Variants in GPC5 observed in about 807,000 individuals in gnomAD.
The protein encoded by GPC5 is glypican-5.
In GPC5, 47 loss-of-function variants were observed where a neutral mutation model predicts 53.9. The ratio of observed to expected loss-of-function variants is 0.87; its 90% CI spans 0.69 to 1.11. GPC5 has a LOEUF of 1.11. Among genes scored for constraint, GPC5 ranks in the 50% most tolerant of loss-of-function variants. The pLI is 0.00. For missense variants in GPC5, 748 were observed against 713.1 expected (o/e 1.05, Z -0.56); for synonymous variants, 286 against 263.3 (o/e 1.09, Z -0.84).
intron 4 of GPC5, among the ~76,000 whole-genome samples, chr13:91,732,813 G>A (rs1322300997): frequency 6.6e-6 from 1 of 151,996 alleles, no homozygotes; most frequent in East Asian, 1.9e-4. Context: ...ATCAAGTTTG[G>A]TGAAGATCAG....
rs528148992 is a variant in GPC5 at position 92,159,265 on chromosome 13, A to G, written c.1561+14276A>G. ...AAGGAGATTAAAAGAGGGAGAGGGG[A>G]AAGCACTTCGTCTGGTTTCTTTTCT... On this transcript the variant is annotated intron_variant, in intron 7 of 7. Coordinates refer to ENST00000377067, the MANE Select transcript of GPC5 (RefSeq NM_004466.6). 2.0e-5 allele frequency among the ~76,000 whole-genome samples: 3 copies of G among 152,282 alleles called. No homozygotes were observed. In the East Asian group the frequency reaches 5.8e-4, roughly 29 times the overall value.
At chr13:92,451,986 T>C (rs1594213561) in intron 7 of GPC5, among the ~76,000 whole-genome samples, 2 of 151,870 alleles carry the variant, frequency 1.3e-5, no homozygotes. Context: ...CTGAAGAAAA[T>C]AGGACTAAGG....
intron 7 of GPC5, among the ~76,000 whole-genome samples, chr13:92,158,576 GT>G (rs753333070): frequency 6.6e-6 from 1 of 150,696 alleles, no homozygotes; most frequent in Non-Finnish European, 1.5e-5. Flanking sequence ...GTCATCTTGT[GT>G]TCCTCCTCTC....
intron 5 of GPC5, among the ~76,000 whole-genome samples, chr13:91,832,339 A>G (rs1297455028): frequency 6.8e-6 from 1 of 146,524 alleles, no homozygotes. Context: ...TACTTGGTAA[A>G]TATTCCTCCG....
intron 7 of GPC5, among the ~76,000 whole-genome samples, chr13:92,678,589 C>T (rs1388322316): frequency 1.3e-5 from 2 of 152,138 alleles, no homozygotes; most frequent in African/African-American, 4.8e-5. Flanking sequence ...CCTGCTACAG[C>T]AGAGTGAATA....
At chr13:92,862,644 G>GATAT (rs1193954230) in intron 7 of GPC5, among the ~76,000 whole-genome samples, 1 of 151,978 alleles carries the variant, frequency 6.6e-6, no homozygotes, top group Non-Finnish European at 1.5e-5. Context: ...TAGATAGATA[G>GATAT]ATAGATAGAT....
At chr13:91,904,458 C>T (rs1171376165) in intron 5 of GPC5, among the ~76,000 whole-genome samples, 1 of 151,832 alleles carries the variant, frequency 6.6e-6, no homozygotes, top group Non-Finnish European at 1.5e-5. Flanking sequence ...ATATCTTTAC[C>T]TTTTCTTAGT....
At chr13:91,673,264 C>G (rs1482316417) in intron 2 of GPC5, among the ~76,000 whole-genome samples, 2 of 151,964 alleles carry the variant, frequency 1.3e-5, no homozygotes, top group African/African-American at 4.8e-5. Flanking sequence ...TCACACTAAG[C>G]AAAAAGAGAC....
intron 6 of GPC5, among the ~76,000 whole-genome samples, chr13:91,935,140 GA>G (rs2039857967): frequency 6.6e-6 from 1 of 151,842 alleles, no homozygotes; most frequent in Non-Finnish European, 1.5e-5. Flanking sequence ...TTAGGATAGT[GA>G]AAAAGAAAGG....
At chr13:91,683,890 C>A (rs548657645) in intron 2 of GPC5, among the ~76,000 whole-genome samples, 1 of 152,292 alleles carries the variant, frequency 6.6e-6, no homozygotes, top group East Asian at 1.9e-4. Context: ...TCCATTATAG[C>A]AAACATTTGC....
chr13:91,643,572 T>A (rs1239406085), intron 2 of GPC5, among the ~76,000 whole-genome samples: 1 of 152,256 alleles, frequency 6.6e-6, no homozygotes, highest in Non-Finnish European at 1.5e-5. Context: ...CTAGAGCTGC[T>A]GTGGCAAAGT....
At chr13:92,605,909 CAAGT>C (rs1434537698) in intron 7 of GPC5, among the ~76,000 whole-genome samples, 1 of 151,776 alleles carries the variant, frequency 6.6e-6, no homozygotes, top group Admixed American at 6.6e-5. Flanking sequence ...GCTAGAAACT[CAAGT>C]AAATGCTATC....
chr13:91,577,378 T>C (rs916673518), intron 2 of GPC5, among the ~76,000 whole-genome samples: 2 of 152,194 alleles, frequency 1.3e-5, no homozygotes, highest in Non-Finnish European at 2.9e-5. Context: ...TACATTGGTC[T>C]TTCCACCACT....
intron 2 of GPC5, among the ~76,000 whole-genome samples, chr13:91,658,668 A>T (rs532034650): frequency 8.3e-4 from 126 of 152,284 alleles, no homozygotes; most frequent in African/African-American, 2.8e-3. Flanking sequence ...ACTCTTAAGT[A>T]ATCTCTGCCA....
chr13:91,464,149 C>A (rs1179816937), intron 2 of GPC5, among the ~76,000 whole-genome samples: 1 of 151,972 alleles, frequency 6.6e-6, no homozygotes, highest in African/African-American at 2.4e-5. Context: ...ATCTAGCTTT[C>A]CTGGAAATAT....
At chr13:92,311,794 T>C (rs906959203) in intron 7 of GPC5, among the ~76,000 whole-genome samples, 26 of 152,118 alleles carry the variant, frequency 1.7e-4, no homozygotes, top group African/African-American at 5.8e-4. Context: ...CTATTCAAGA[T>C]GAGATTTGGG....
At chr13:92,354,257 A>G (rs1292292993) in intron 7 of GPC5, among the ~76,000 whole-genome samples, 1 of 152,230 alleles carries the variant, frequency 6.6e-6, no homozygotes, top group East Asian at 1.9e-4. Context: ...ACGCTATTTC[A>G]TATTAAATCA....
intron 7 of GPC5, among the ~76,000 whole-genome samples, chr13:92,621,934 A>AAAC (rs1884882610): frequency 6.6e-6 from 1 of 152,038 alleles, no homozygotes; most frequent in Non-Finnish European, 1.5e-5. Context: ...ACAACAACAA[A>AAAC]AACAACAATA....
chr13:91,662,506 C>T (rs2035009677), intron 2 of GPC5, among the ~76,000 whole-genome samples: 1 of 152,068 alleles, frequency 6.6e-6, no homozygotes, highest in Admixed American at 6.6e-5. Flanking sequence ...ATACAAAGAG[C>T]TGCAGAAAAT....
Sources: gnomAD v4.1 joint callset for allele counts (sites outside exome capture counted in the v4.1 genomes callset) on GRCh38, gnomAD v4.1.1 for gene constraint, MANE v1.5 for transcripts, NCBI Gene and HGNC (gene_info 2026-07-23, HGNC 2026-07-21) for gene names.